Variants in PHACTR1 observed in about 807,000 individuals in gnomAD.
The protein encoded by PHACTR1 is RPEL repeat containing 1.
Under a neutral mutation model 69.2 loss-of-function variants are expected in PHACTR1, and 16 were observed. The ratio of observed to expected loss-of-function variants is 0.23; its 90% confidence interval spans 0.16 to 0.35. PHACTR1 has a LOEUF of 0.35. Ranked by LOEUF, PHACTR1 falls within the 10% of genes least tolerant of loss-of-function variation. The pLI is 1.00. For synonymous variants in PHACTR1, 312 were observed against 284.5 expected (o/e 1.10, Z -0.97); for missense variants, 510 against 734.7 (o/e 0.69, Z 3.54).
intron 8 of PHACTR1, among the ~76,000 whole-genome samples, chr6:13,216,497 A>G (rs1767695411): frequency 1.3e-5 from 2 of 151,586 alleles, no homozygotes; most frequent in African/African-American, 4.8e-5. Context: ...GTTGCTTTGT[A>G]GTTCCGTGTT....
intron 8 of PHACTR1, among the ~76,000 whole-genome samples, chr6:13,223,431 C>T (rs539213703): frequency 6.6e-6 from 1 of 152,246 alleles, no homozygotes; most frequent in African/African-American, 2.4e-5. Flanking sequence ...AACTCAGTGC[C>T]CCAGGAGTGG....
Position 13,112,152 on chromosome 6 carries a change from G to T in PHACTR1, c.416-48052G>T, listed in dbSNP as rs544956393. Among the ~76,000 whole-genome samples, 55 of 152,216 alleles carry T rather than the reference G, an allele frequency of 3.6e-4. 1 individual carries two copies. The highest frequency in any genetic ancestry group is 1.9e-3 in the South Asian group (9 of 4,824). ...TATTTGGTTTTCAGTTCCTGCATTA[G>T]TTTGCTAAGGATAATGGCCTCCACT... is the stretch of plus-strand genomic sequence containing the variant. On this transcript the variant is annotated intron_variant, in intron 5 of 14. Coordinates refer to ENST00000332995, the MANE Select transcript of PHACTR1 (RefSeq NM_030948.6).
intron 5 of PHACTR1, among the ~76,000 whole-genome samples, chr6:13,060,683 G>C (rs1289888300): frequency 6.6e-6 from 1 of 152,158 alleles, no homozygotes; most frequent in Non-Finnish European, 1.5e-5. Flanking sequence ...AGTTTGTCTA[G>C]GTAATAAGCG....
chr6:13,089,209 A>G (rs1170011830), intron 5 of PHACTR1, among the ~76,000 whole-genome samples: 1 of 152,054 alleles, frequency 6.6e-6, no homozygotes, highest in Non-Finnish European at 1.5e-5. Flanking sequence ...CCACCACAAG[A>G]AGCCCCTGGG....
At chr6:13,262,446 A>G (rs899075998) in intron 10 of PHACTR1, among the ~76,000 whole-genome samples, 1 of 152,146 alleles carries the variant, frequency 6.6e-6, no homozygotes, top group Non-Finnish European at 1.5e-5. Context: ...TCATCAGCAT[A>G]TTGATGCTAT....
chr6:13,184,626 G>A (rs939179792), intron 7 of PHACTR1, among the ~76,000 whole-genome samples: 2 of 152,254 alleles, frequency 1.3e-5, no homozygotes, highest in South Asian at 4.1e-4. Context: ...CTGTCCTCCT[G>A]CTTCACTGGA....
chr6:12,738,642 C>T (rs1764631413), intron 3 of PHACTR1, among the ~76,000 whole-genome samples: 1 of 152,162 alleles, frequency 6.6e-6, no homozygotes. Context: ...GCAGGCTGAT[C>T]ACTTGAGGTC....
At chr6:12,951,198 G>A (rs1407381331) in intron 4 of PHACTR1, among the ~76,000 whole-genome samples, 1 of 152,174 alleles carries the variant, frequency 6.6e-6, no homozygotes, top group Non-Finnish European at 1.5e-5. Context: ...TCTCATTCCT[G>A]TCAGGCCCTG....
intron 4 of PHACTR1, among the ~76,000 whole-genome samples, chr6:12,929,889 T>G (rs1788683272): frequency 6.6e-6 from 1 of 152,252 alleles, no homozygotes; most frequent in Non-Finnish European, 1.5e-5. Flanking sequence ...ACCATTGTTT[T>G]AAGATGTTAT....
In PHACTR1 at chr6:13,205,851, T is replaced by G; in HGVS notation, c.701T>G (p.Val234Gly). ...GAPVKLPCLP[V>G]KLSPPLPPKK... ...CCTGTGAAATTGCCTTGTCTGCCAG[T>G]GAAACTGTCGCCTCCGCTACCTCCA... Residue 234 changes from valine to glycine, a missense_variant, in exon 8 of 15, where the codon GTG (valine) becomes GGG (glycine). Val to Gly is a moderately radical substitution (Grantham distance 109). Coordinates refer to ENST00000332995, the MANE Select transcript of PHACTR1 (RefSeq NM_030948.6). 2 of 1,594,496 alleles carry G rather than the reference T, an allele frequency of 1.3e-6. No homozygotes were observed. The highest frequency in any genetic ancestry group is 3.4e-5 in the Admixed American group (2 of 59,354).
intron 5 of PHACTR1, among the ~76,000 whole-genome samples, chr6:13,129,326 T>C (rs1289015865): frequency 1.3e-5 from 2 of 152,138 alleles, no homozygotes; most frequent in Non-Finnish European, 2.9e-5. Context: ...TAACATCGAA[T>C]GTAAATGGCC....
At chr6:13,068,493 T>C (rs571851374) in intron 5 of PHACTR1, among the ~76,000 whole-genome samples, 1 of 152,298 alleles carries the variant, frequency 6.6e-6, no homozygotes, top group Non-Finnish European at 1.5e-5. Context: ...AAGGAAAGGT[T>C]TATTTCCTAT....
chr6:13,050,581 C>T (rs532149083), intron 4 of PHACTR1, among the ~76,000 whole-genome samples: 2 of 152,310 alleles, frequency 1.3e-5, no homozygotes, highest in Admixed American at 1.3e-4. Context: ...TCACTTTCCC[C>T]TGGCTCTGGC....
intron 4 of PHACTR1, among the ~76,000 whole-genome samples, chr6:13,032,957 T>G (rs1395813135): frequency 3.3e-5 from 5 of 152,166 alleles, no homozygotes; most frequent in Non-Finnish European, 7.3e-5. Context: ...TGGTCAAAAT[T>G]TCCCGTTAGA....
chr6:13,118,391 A>G (rs1168670246), intron 5 of PHACTR1, among the ~76,000 whole-genome samples: 1 of 152,064 alleles, frequency 6.6e-6, no homozygotes, highest in Non-Finnish European at 1.5e-5. Flanking sequence ...GTTTTACCCA[A>G]GTCCTGCTGT....
intron 5 of PHACTR1, among the ~76,000 whole-genome samples, chr6:13,125,188 A>C (rs1819349258): frequency 6.6e-6 from 1 of 152,266 alleles, no homozygotes; most frequent in Admixed American, 6.5e-5. Flanking sequence ...AGAGGAGTGG[A>C]GAAGCCAGGG....
intron 4 of PHACTR1, among the ~76,000 whole-genome samples, chr6:13,047,950 A>G (rs1414062180): frequency 1.3e-5 from 2 of 151,944 alleles, no homozygotes; most frequent in Non-Finnish European, 2.9e-5. Context: ...GGTTGCCACC[A>G]GGGCTGGGGT....
rs985371343 is a variant in PHACTR1 at position 13,286,184 on chromosome 6, T to C, written c.1689T>C (p.Thr563=). Residue 563 remains threonine, a synonymous_variant, in exon 14 of 15, where the codon ACT becomes ACC. Coordinates refer to ENST00000332995, the MANE Select transcript of PHACTR1 (RefSeq NM_030948.6). ...AGGAGCTCAATGAATTCAAAAGCAC[T>C]GAGATGGAAGTTCATGAATTGAGTA... is the stretch of plus-strand genomic sequence containing the variant. ...IRKELNEFKS[T]EMEVHELSRH... is the part of the protein sequence containing the mutation. 6 of 1,607,580 alleles carry C rather than the reference T, an allele frequency of 3.7e-6. No homozygotes were observed. In the African/African-American group the frequency reaches 4.0e-5, roughly 11 times the overall value.
chr6:13,102,432 C>G (rs1373278224), intron 5 of PHACTR1, among the ~76,000 whole-genome samples: 1 of 152,116 alleles, frequency 6.6e-6, no homozygotes, highest in African/African-American at 2.4e-5. Flanking sequence ...GAACCAAAAA[C>G]ACAGTGAATA....
Sources: allele counts gnomAD v4.1 joint callset (sites outside exome capture counted in the v4.1 genomes callset), GRCh38; gene constraint gnomAD v4.1.1; transcripts MANE v1.5; gene names NCBI Gene and HGNC (gene_info 2026-07-23, HGNC 2026-07-21).